Variants in DLC1 observed in about 807,000 individuals in gnomAD.
DLC1 encodes the protein DLC1 Rho GTPase activating protein.
In DLC1, 54 loss-of-function variants were observed where a neutral mutation model predicts 140.3. That is an observed-to-expected ratio of 0.38 (90% CI 0.31 to 0.48). The LOEUF (loss-of-function observed/expected upper bound fraction) is 0.48, where lower values mean the gene tolerates loss of function less well. DLC1 is among the 20% of genes least tolerant of loss of function. The pLI is 0.96. For missense variants in DLC1, 2,536 were observed against 1,907.0 expected, an observed-to-expected ratio of 1.33 and a Z score of -6.14; for synonymous variants, 986 against 728.1, an observed-to-expected ratio of 1.35 and a Z score of -5.70.
At chr8:13,153,509 C>A (rs959478599) in intron 5 of DLC1, among the ~76,000 whole-genome samples, 2 of 152,216 alleles carry the variant, frequency 1.3e-5, no homozygotes, top group African/African-American at 4.8e-5. Flanking sequence ...CCAAACAGGT[C>A]GCCACTGCTG....
intron 2 of DLC1, among the ~76,000 whole-genome samples, chr8:13,494,695 A>C (rs968246799): frequency 9.8e-5 from 15 of 152,300 alleles, no homozygotes; most frequent in African/African-American, 3.6e-4. Context: ...TCACACCTGT[A>C]ATCCCAACAC....
chr8:13,095,931 T>C (rs993044582), intron 10 of DLC1: 17 of 152,194 alleles, frequency 1.1e-4, no homozygotes, highest in African/African-American at 4.1e-4. Flanking sequence ...ATTACATCTT[T>C]AGGTTTCTAA....
intron 4 of DLC1, among the ~76,000 whole-genome samples, chr8:13,388,533 A>G (rs1189367504): frequency 5.9e-5 from 9 of 152,056 alleles, no homozygotes; most frequent in Non-Finnish European, 1.3e-4. Context: ...TGACTACATA[A>G]GAACTTAATA....
chr8:13,567,407 C>A lies in DLC1; in HGVS notation c.-126+37130G>T, dbSNP rs1178105196. On this transcript the variant is annotated intron_variant, in intron 1 of 1. Coordinates refer to the DLC1 transcript ENST00000631382. ...AATTTGATTCATCGTAGAGGGGATT[C>A]TAAGAAGAAGACGAGCAGCAGACAT... The A allele has an allele frequency of 2.6e-6, 4 of 1,551,592 alleles. No homozygotes were observed. The African/African-American group carries it at 5.5e-5, about 21-fold the overall frequency.
chr8:13,283,739 T>G (rs2117435163), intron 5 of DLC1, among the ~76,000 whole-genome samples: 1 of 152,276 alleles, frequency 6.6e-6, no homozygotes, highest in East Asian at 1.9e-4. Flanking sequence ...GGCCTCAAAC[T>G]CATGGGCTCA....
rs78775803 is a variant in DLC1 at position 13,468,811 on chromosome 8, C to CTTTTTTTTTTTTTTTTTTTT, written c.1023+30218_1023+30237dup. The stretch of plus-strand genomic sequence containing the variant: ...GTTGATTCTCCCAATTTTATGTCTG[C>CTTTTTTTTTTTTTTTTTTTT]TTTTTTTTTTTTTTTTTTTTTTTTT... On this transcript the variant is annotated intron_variant, in intron 2 of 17. Coordinates refer to ENST00000276297, the MANE Select transcript of DLC1 (RefSeq NM_182643.3). Among the ~76,000 whole-genome samples the CTTTTTTTTTTTTTTTTTTTT allele has an allele frequency of 1.4e-4, 13 of 89,958 alleles. 2 individuals carry two copies. Among genetic ancestry groups the CTTTTTTTTTTTTTTTTTTTT allele is most frequent in the Admixed American group, 7.4e-4 (5 of 6,764 alleles). 59.0% of individuals were successfully genotyped at this position (89,958 alleles called of 152,430 possible). A position where few individuals can be genotyped will look rare whatever the true frequency, so the allele number is the denominator to read the frequency against.
At chr8:13,417,259 G>T (rs1459376095) in intron 2 of DLC1, among the ~76,000 whole-genome samples, 4 of 151,902 alleles carry the variant, frequency 2.6e-5, no homozygotes, top group Admixed American at 6.6e-5. Flanking sequence ...TGCACAATGT[G>T]CAGGTTAGTT....
intron 5 of DLC1, among the ~76,000 whole-genome samples, chr8:13,294,169 G>A (rs979382712): frequency 6.6e-6 from 1 of 152,072 alleles, no homozygotes; most frequent in African/African-American, 2.4e-5. Context: ...CCATAGTTTG[G>A]CTTCATCAGA....
chr8:13,585,811 A>T (rs527442034), intron 1 of DLC1, among the ~76,000 whole-genome samples: 1 of 152,298 alleles, frequency 6.6e-6, no homozygotes, highest in South Asian at 2.1e-4. Flanking sequence ...CCCTCTTCAT[A>T]GGGACACTGG....
At chr8:13,542,904 T>C (rs923121269) in intron 1 of DLC1, among the ~76,000 whole-genome samples, 10 of 152,156 alleles carry the variant, frequency 6.6e-5, no homozygotes, top group Admixed American at 4.6e-4. Context: ...AATTACGTAG[T>C]CTATTACTGA....
At chr8:13,232,979 A>G (rs1263849300) in intron 5 of DLC1, among the ~76,000 whole-genome samples, 4 of 152,198 alleles carry the variant, frequency 2.6e-5, no homozygotes, top group African/African-American at 9.7e-5. Context: ...GAACAAAAGG[A>G]ATCATTAAAA....
At chr8:13,539,366 A>T (rs896063948) in intron 1 of DLC1, among the ~76,000 whole-genome samples, 8 of 151,998 alleles carry the variant, frequency 5.3e-5, no homozygotes, top group Non-Finnish European at 1.0e-4. Context: ...CACCCAGCTA[A>T]TTTTTTTGTA....
chr8:13,587,009 T>G (rs1212544205), intron 1 of DLC1, among the ~76,000 whole-genome samples: 1 of 151,464 alleles, frequency 6.6e-6, no homozygotes, highest in Non-Finnish European at 1.5e-5. Context: ...ACATGTCTAG[T>G]AGAGAGTTAG....
Position 13,372,451 on chromosome 8 carries a change from T to A in DLC1, c.1314+21102A>T, listed in dbSNP as rs147038342. On this transcript the variant is annotated intron_variant, in intron 4 of 17. Coordinates refer to ENST00000276297, the MANE Select transcript of DLC1 (RefSeq NM_182643.3). ...TCAGTTCACTAGCACTCCAAGAAAA[T>A]GTCCAAACAAATTCTTCTGTGTTGA... is the stretch of plus-strand genomic sequence containing the variant. Among the ~76,000 whole-genome samples, 9 of 152,174 alleles carry A rather than the reference T, an allele frequency of 5.9e-5. No individual in the cohort carries two copies. The East Asian group carries it at 1.5e-3, about 26-fold the overall frequency.
intron 5 of DLC1, chr8:13,214,209 A>G (rs1828080752): frequency 6.2e-6 from 1 of 160,602 alleles, no homozygotes; most frequent in Admixed American, 6.0e-5. Context: ...GAAAGTGAGC[A>G]GACATTATGG....
chr8:13,519,421 C>G (rs1005740829), upstream of DLC1, among the ~76,000 whole-genome samples: 5 of 152,158 alleles, frequency 3.3e-5, no homozygotes, highest in South Asian at 8.3e-4. Flanking sequence ...AGCTGCCGCT[C>G]CTGGCTCATG....
chr8:13,249,694 T>A (rs1317788966), intron 5 of DLC1, among the ~76,000 whole-genome samples: 1 of 152,230 alleles, frequency 6.6e-6, no homozygotes, highest in Non-Finnish European at 1.5e-5. Context: ...CTTAAATACA[T>A]GCTAAAGTCT....
chr8:13,107,931 A>G (rs1242517042), intron 7 of DLC1, among the ~76,000 whole-genome samples: 1 of 152,144 alleles, frequency 6.6e-6, no homozygotes, highest in African/African-American at 2.4e-5. Context: ...CTGTAATCCC[A>G]GCTATTCAGG....
chr8:13,182,642 G>T (rs551909669), intron 5 of DLC1, among the ~76,000 whole-genome samples: 1 of 152,084 alleles, frequency 6.6e-6, no homozygotes, highest in Non-Finnish European at 1.5e-5. Context: ...GATGTGTGGT[G>T]TTATTTCTGA....
Sources: gnomAD v4.1 joint callset for allele counts (sites outside exome capture counted in the v4.1 genomes callset) on GRCh38, gnomAD v4.1.1 for gene constraint, MANE v1.5 for transcripts, NCBI Gene and HGNC (gene_info 2026-07-23, HGNC 2026-07-21) for gene names.